The following NKD1 variants were observed in gnomAD, a reference collection of about 807,000 sequenced individuals.
NKD1 encodes NKD inhibitor of Wnt signaling pathway 1.
Under a neutral mutation model 56.0 loss-of-function variants are expected in NKD1, and 21 were observed. That is an observed-to-expected ratio of 0.38 (90% CI 0.27 to 0.54). The LOEUF (loss-of-function observed/expected upper bound fraction) is 0.54. NKD1 is among the 20% of genes least tolerant of loss of function. The pLI is 0.82. For synonymous variants in NKD1, 263 were observed against 265.7 expected, an observed-to-expected ratio of 0.99 and a Z score of 0.10; for missense variants, 578 against 642.7, an observed-to-expected ratio of 0.90 and a Z score of 1.09.
chr16:50,593,530 T>C (rs1420611804), intron 3 of NKD1, among the ~76,000 whole-genome samples: 1 of 152,060 alleles, frequency 6.6e-6, no homozygotes, highest in African/African-American at 2.4e-5. Context: ...TGTCCTGGGG[T>C]TGCCTCTCCT....
intron 3 of NKD1, among the ~76,000 whole-genome samples, chr16:50,591,985 G>A (rs1961377051): frequency 6.6e-6 from 1 of 152,218 alleles, no homozygotes; most frequent in Non-Finnish European, 1.5e-5. Context: ...AACAACCTGG[G>A]CTGTGTGTGG....
chr16:50,595,105 G>T (rs1961445656), intron 3 of NKD1, among the ~76,000 whole-genome samples: 1 of 152,190 alleles, frequency 6.6e-6, no homozygotes, highest in African/African-American at 2.4e-5. Context: ...GGCAGTCAGG[G>T]TGTGTGGGGG....
chr16:50,575,070 T>G (rs925536603), intron 3 of NKD1: 41 of 985,206 alleles, frequency 4.2e-5, no homozygotes, highest in Non-Finnish European at 4.8e-5. Flanking sequence ...GCTGGAAAGT[T>G]GTTTCATGAC....
intron 3 of NKD1, among the ~76,000 whole-genome samples, chr16:50,562,708 CTGG>C (rs1960660875): frequency 1.3e-5 from 2 of 152,106 alleles, no homozygotes; most frequent in South Asian, 4.1e-4. Flanking sequence ...GCTGGGCCGA[CTGG>C]ACCCTGAAGG....
In NKD1 at chr16:50,643,754, T is replaced by C. The variant is rs1962624995; in HGVS notation, c.*9973T>C. 6.6e-6 allele frequency: 1 copy of C among 152,256 alleles called. No homozygotes were observed. The highest frequency in any genetic ancestry group is 1.5e-5 in the Non-Finnish European group (1 of 68,040). The allele number at this position is 152,256 out of a possible 1,614,324, so 9.4% of individuals were successfully genotyped here. A position where few individuals can be genotyped will look rare whatever the true frequency, so the allele number is the denominator to read the frequency against. ...GTGCATAACCTTGTTTTATGTGTGC[T>C]TCTGTTTAAAGATGCCTAATTTACT... On this transcript the variant is annotated 3_prime_UTR_variant, in exon 10 of 10. Transcript: ENST00000268459.
At chr16:50,606,758 C>T (rs1351514970) in intron 3 of NKD1, 1 of 455,194 alleles carries the variant, frequency 2.2e-6, no homozygotes, top group Non-Finnish European at 4.4e-6. Context: ...AAGACCTCAG[C>T]ATGAAGAGGT....
intron 6 of NKD1, among the ~76,000 whole-genome samples, chr16:50,626,788 A>G (rs1054678848): frequency 6.6e-6 from 1 of 152,042 alleles, no homozygotes; most frequent in African/African-American, 2.4e-5. Flanking sequence ...ATCTTCAGGC[A>G]CGAGACCTGT....
intron 4 of NKD1, among the ~76,000 whole-genome samples, chr16:50,619,372 G>A (rs1359346965): frequency 6.6e-6 from 1 of 152,060 alleles, no homozygotes; most frequent in Non-Finnish European, 1.5e-5. Flanking sequence ...CTGCGTGCCG[G>A]CCACTGTGCT....
At chr16:50,583,244 G>A (rs930929254) in intron 3 of NKD1, among the ~76,000 whole-genome samples, 1 of 152,160 alleles carries the variant, frequency 6.6e-6, no homozygotes, top group Non-Finnish European at 1.5e-5. Context: ...GGCAGCTTTT[G>A]CTTTTGTGCT....
At chr16:50,554,599 T>C (rs1960460261) in intron 3 of NKD1, among the ~76,000 whole-genome samples, 1 of 152,166 alleles carries the variant, frequency 6.6e-6, no homozygotes, top group South Asian at 2.1e-4. Flanking sequence ...CTCAGCTTAA[T>C]GAATTAGTAT....
chr16:50,632,924 A>G lies in NKD1; in HGVS notation c.824-268A>G, dbSNP rs568349703. 6.6e-6 allele frequency among the ~76,000 whole-genome samples: 1 copy of G among 152,210 alleles called. No individual in the cohort carries two copies. Among genetic ancestry groups the G allele is most frequent in the South Asian group, 2.1e-4 (1 of 4,820 alleles). ...CTTTCTTGCCCCAGTGACCTTAGAT[A>G]GTTTTCGGGGTCTCTGCTGCCATCT... On this transcript the variant is annotated intron_variant, in intron 9 of 9. Transcript: ENST00000268459. This position sits in a 1 kb window ranked among gnomAD's most constrained non-coding sequence, Gnocchi z 4.1.
chr16:50,548,432 G>C lies in NKD1; in HGVS notation c.-122G>C. 2 of 292,424 alleles carry C rather than the reference G, an allele frequency of 6.8e-6. No homozygotes were observed. Among genetic ancestry groups the C allele is most frequent in the Non-Finnish European group, 1.0e-5 (2 of 198,392 alleles). The allele number at this position is 292,424 out of a possible 1,614,324, so 18.1% of individuals were successfully genotyped here. A position where few individuals can be genotyped will look rare whatever the true frequency, so the allele number is the denominator to read the frequency against. Reference sequence around the variant, plus strand: ...GGCGACGGCGGCAGGAGCGCGTCCCGGCGCCGCCTCGGGCTCCGCTCGGCT... The same window carrying C: ...GGCGACGGCGGCAGGAGCGCGTCCCCGCGCCGCCTCGGGCTCCGCTCGGCT... On this transcript the variant is annotated 5_prime_UTR_variant, in exon 1 of 10. Transcript: ENST00000268459.
intron 3 of NKD1, chr16:50,572,839 AAG>A: frequency 1.0e-6 from 1 of 979,962 alleles, no homozygotes; most frequent in Non-Finnish European, 1.2e-6. Flanking sequence ...GGAGGTTAGA[AAG>A]AGTGCTGACC....
intron 3 of NKD1, among the ~76,000 whole-genome samples, chr16:50,589,641 G>A (rs1961304487): frequency 6.6e-6 from 1 of 152,118 alleles, no homozygotes; most frequent in Non-Finnish European, 1.5e-5. Context: ...CCCCTATAAA[G>A]GCAGCGGGCA....
intron 3 of NKD1, among the ~76,000 whole-genome samples, chr16:50,566,891 G>A (rs1412590714): frequency 7.2e-5 from 11 of 152,146 alleles, no homozygotes; most frequent in Admixed American, 7.2e-4. Context: ...GACACTTTTG[G>A]GAATCCACCA....
chr16:50,625,481 C>G lies in NKD1; in HGVS notation c.367-4C>G. On this transcript the variant is annotated splice_region_variant and splice_polypyrimidine_tract_variant and intron_variant, in intron 5 of 9. Coordinates refer to ENST00000268459, the MANE Select transcript of NKD1 (RefSeq NM_033119.5). ...ACCAGCCCCGCCCATCTCTCTGCAT[C>G]CAGGAGCTCCAGTGCGACGTGTCCA... is the stretch of plus-strand genomic sequence containing the variant. The G allele has an allele frequency of 6.2e-7, 1 of 1,605,908 alleles. No homozygotes were observed. Among genetic ancestry groups the G allele is most frequent in the Non-Finnish European group, 8.5e-7 (1 of 1,172,896 alleles).
intron 3 of NKD1, among the ~76,000 whole-genome samples, chr16:50,582,038 C>T (rs1401927274): frequency 6.6e-6 from 1 of 152,036 alleles, no homozygotes; most frequent in East Asian, 1.9e-4. Context: ...CCCAGTAATG[C>T]GTTTGTCTCT....
chr16:50,574,525 G>A, intron 3 of NKD1: 1 of 985,406 alleles, frequency 1.0e-6, no homozygotes. Flanking sequence ...CCGAGGCCCA[G>A]GCACGGCCGA....
At chr16:50,549,335 T>A (rs1387204279) in intron 2 of NKD1, 87 bp from the exon 3 acceptor site, 1 of 1,519,224 alleles carries the variant, frequency 6.6e-7, no homozygotes, top group East Asian at 2.4e-5. Flanking sequence ...GTCCTTCGCC[T>A]CCCACCGCGC....
Sources: gnomAD v4.1 joint callset for allele counts (sites outside exome capture counted in the v4.1 genomes callset) on GRCh38, gnomAD v4.1.1 for gene constraint, Gnocchi (gnomAD v3.1) non-coding constraint, MANE v1.5 for transcripts, NCBI Gene and HGNC (gene_info 2026-07-23, HGNC 2026-07-21) for gene names.